Variants in TPH2 observed in about 807,000 individuals in gnomAD.
TPH2 encodes the protein tryptophan hydroxylase 2.
A neutral mutation model predicts 59.1 loss-of-function variants in TPH2; 27 were observed. The observed-to-expected ratio is 0.46, with a 90% confidence interval of 0.34 to 0.63. The LOEUF (loss-of-function observed/expected upper bound fraction) is 0.63. TPH2 is among the 30% of genes least tolerant of loss of function. The probability of loss-of-function intolerance (pLI) is 0.01; values close to 1 mark genes in which losing one functional copy is unlikely to be tolerated. For missense variants in TPH2, 523 were observed against 588.3 expected (o/e 0.89, Z 1.15); for synonymous variants, 220 against 210.5 (o/e 1.05, Z -0.39).
At chr12:71,986,035 C>T (rs1872424885) in intron 7 of TPH2, among the ~76,000 whole-genome samples, 1 of 152,150 alleles carries the variant, frequency 6.6e-6, no homozygotes, top group Non-Finnish European at 1.5e-5. Context: ...GAAACTTACT[C>T]CTTCTTAAGT....
At chr12:71,961,584 T>C (rs1162308070) in intron 5 of TPH2, 1 of 1,352,142 alleles carries the variant, frequency 7.4e-7, no homozygotes, top group East Asian at 4.5e-5. Context: ...TATTGGCGAC[T>C]GGGAATTTCA....
At chr12:71,941,543 T>C (rs771382084) in intron 1 of TPH2, 41 bp from the exon 2 acceptor site, 1 of 1,600,450 alleles carries the variant, frequency 6.2e-7, no homozygotes, top group East Asian at 2.3e-5. Context: ...TCTGGAACCC[T>C]AACTAATATT....
intron 5 of TPH2, chr12:71,964,807 TA>T (rs1248895644): frequency 1.5e-5 from 14 of 918,598 alleles, no homozygotes; most frequent in Admixed American, 6.2e-5. Flanking sequence ...ACTTTAGGTT[TA>T]GGGGTACATG....
At chr12:71,940,883 G>A (rs1317081642) in intron 1 of TPH2, among the ~76,000 whole-genome samples, 1 of 152,032 alleles carries the variant, frequency 6.6e-6, no homozygotes, top group Non-Finnish European at 1.5e-5. Flanking sequence ...ATAATTAGCT[G>A]GCCAGGTTTC....
At chr12:71,973,313 G>A (rs939299289) in intron 6 of TPH2, among the ~76,000 whole-genome samples, 2 of 152,130 alleles carry the variant, frequency 1.3e-5, no homozygotes, top group Non-Finnish European at 2.9e-5. Context: ...GATAAAACAG[G>A]TTGCAGTCAA....
chr12:71,948,076 T>C (rs1871244464), intron 4 of TPH2, among the ~76,000 whole-genome samples: 1 of 152,162 alleles, frequency 6.6e-6, no homozygotes, highest in African/African-American at 2.4e-5. Flanking sequence ...ACAAGTACTT[T>C]CTAGCATGAC....
intron 2 of TPH2, among the ~76,000 whole-genome samples, chr12:71,943,987 C>T (rs929131805): frequency 5.3e-5 from 8 of 152,116 alleles, no homozygotes; most frequent in African/African-American, 1.9e-4. Context: ...CACGTGCCAC[C>T]TGTGGGATGT....
At chr12:72,000,357 C>T (rs546838862) in intron 8 of TPH2, among the ~76,000 whole-genome samples, 10 of 152,294 alleles carry the variant, frequency 6.6e-5, no homozygotes, top group African/African-American at 2.4e-4. Context: ...GGACCCTAAT[C>T]AATAATAAAT....
intron 7 of TPH2, among the ~76,000 whole-genome samples, chr12:71,991,210 T>G (rs893625501): frequency 6.6e-6 from 1 of 152,230 alleles, no homozygotes; most frequent in Non-Finnish European, 1.5e-5. Flanking sequence ...ACTTTTCACC[T>G]TACGTTCTAC....
chr12:71,953,071 T>C (rs1222827029), intron 5 of TPH2, among the ~76,000 whole-genome samples: 7 of 152,144 alleles, frequency 4.6e-5, no homozygotes, highest in Non-Finnish European at 7.4e-5. Flanking sequence ...GGCTGTTGCA[T>C]ATACAGAAGT....
intron 8 of TPH2, among the ~76,000 whole-genome samples, chr12:71,997,781 A>G (rs1872729978): frequency 1.3e-5 from 2 of 152,182 alleles, no homozygotes; most frequent in Non-Finnish European, 2.9e-5. Flanking sequence ...AAGAGGTGGT[A>G]GTTTCTTCAA....
At chr12:72,009,416 T>A (rs1873042935) in intron 8 of TPH2, among the ~76,000 whole-genome samples, 1 of 152,242 alleles carries the variant, frequency 6.6e-6, no homozygotes, top group Non-Finnish European at 1.5e-5. Context: ...CTTTACCAAA[T>A]TAATTTTGTG....
At chr12:71,960,352 A>G (rs1007624536) in intron 5 of TPH2, among the ~76,000 whole-genome samples, 39 of 152,218 alleles carry the variant, frequency 2.6e-4, no homozygotes, top group African/African-American at 8.9e-4. Context: ...TGAAAACAAG[A>G]CCAATAGAAT....
At chr12:71,967,060 C>T (rs568002703) in intron 5 of TPH2, among the ~76,000 whole-genome samples, 1 of 152,254 alleles carries the variant, frequency 6.6e-6, no homozygotes, top group East Asian at 1.9e-4. Context: ...ATTCATCTGG[C>T]TGTAGAAAGA....
intron 7 of TPH2, 56 bp from the exon 8 acceptor site, chr12:71,994,383 C>A: frequency 1.9e-6 from 3 of 1,603,330 alleles, no homozygotes; most frequent in Non-Finnish European, 2.6e-6. Flanking sequence ...CTTGTTCTAC[C>A]AGTGGTAATT....
intron 5 of TPH2, among the ~76,000 whole-genome samples, chr12:71,966,502 G>C (rs1190295831): frequency 6.6e-6 from 1 of 152,132 alleles, no homozygotes; most frequent in Non-Finnish European, 1.5e-5. Flanking sequence ...ACCAAAGGTG[G>C]GGAAGGAAAG....
At chr12:72,029,157 C>G (rs775250141) in intron 9 of TPH2, among the ~76,000 whole-genome samples, 17 of 152,206 alleles carry the variant, frequency 1.1e-4, no homozygotes, top group Non-Finnish European at 1.6e-4. Context: ...AATGGAGACA[C>G]AAACAGATGA....
At chr12:71,941,776 T>A (rs375170997) in intron 2 of TPH2, 43 bp downstream of exon 2, 1 of 1,580,124 alleles carries the variant, frequency 6.3e-7, no homozygotes, top group Non-Finnish European at 8.7e-7. Context: ...AGTGACCGTG[T>A]GCCTGGGTAC....
At chr12:72,015,246 G>A (rs1026303727) in intron 8 of TPH2, among the ~76,000 whole-genome samples, 3 of 146,262 alleles carry the variant, frequency 2.1e-5, no homozygotes, top group Admixed American at 6.8e-5. Flanking sequence ...ATGGAAAAAT[G>A]TTAGTAAAAA....
Sources: gnomAD v4.1 joint callset for allele counts (sites outside exome capture counted in the v4.1 genomes callset) on GRCh38, gnomAD v4.1.1 for gene constraint, MANE v1.5 for transcripts, NCBI Gene and HGNC (gene_info 2026-07-23, HGNC 2026-07-21) for gene names.